The following GLUD1 variants were observed in gnomAD, a reference collection of about 807,000 sequenced individuals.
The protein encoded by GLUD1 is glutamate dehydrogenase 1, also known as glutamate dehydrogenase 1, mitochondrial.
GLUD1 carries 22 observed loss-of-function variants against 56.0 expected under a neutral mutation model. The ratio of observed to expected loss-of-function variants is 0.39; its 90% CI spans 0.28 to 0.56. The LOEUF (loss-of-function observed/expected upper bound fraction) is 0.56, where lower values mean the gene tolerates loss of function less well. Ranked by LOEUF, GLUD1 falls within the 20% of genes least tolerant of loss-of-function variation. GLUD1 has a pLI of 0.58. For synonymous variants in GLUD1, 223 were observed against 269.9 expected, an observed-to-expected ratio of 0.83 and a Z score of 1.70; for missense variants, 451 against 732.0, an observed-to-expected ratio of 0.62 and a Z score of 4.43.
rs1313759450 is a variant in GLUD1 at position 87,081,964 on chromosome 10, G to GA, written c.446-5309dup. On this transcript the variant is annotated intron_variant, in intron 1 of 12. Transcript: ENST00000277865. The stretch of plus-strand genomic sequence containing the variant: ...ATCAATACAAAAAAAAAAAAAAAAA[G>GA]AAAAAAAAAAGAACTAGTATTTCTT... 1.4e-4 allele frequency among the ~76,000 whole-genome samples: 17 copies of GA among 122,708 alleles called. No homozygotes were observed. In the South Asian group the frequency reaches 1.6e-3, roughly 12 times the overall value. 80.5% of individuals were successfully genotyped at this position (122,708 alleles called of 152,430 possible).
intron 6 of GLUD1, among the ~76,000 whole-genome samples, chr10:87,061,719 T>C (rs1845938886): frequency 6.6e-6 from 1 of 151,830 alleles, no homozygotes; most frequent in African/African-American, 2.4e-5. Flanking sequence ...CGGGTTCAAG[T>C]GAGTCTCCTG....
At chr10:87,072,830 T>C (rs1489970790) in intron 4 of GLUD1, among the ~76,000 whole-genome samples, 1 of 152,176 alleles carries the variant, frequency 6.6e-6, no homozygotes, top group Non-Finnish European at 1.5e-5. Flanking sequence ...CTTTTAAAAA[T>C]TATGAAGGCT....
At chr10:87,069,999 T>C (rs148828525) in intron 4 of GLUD1, among the ~76,000 whole-genome samples, 2,914 of 152,358 alleles carry the variant, frequency 0.019, 70 homozygotes, top group Non-Finnish European at 0.023. Context: ...TCACTTTCCA[T>C]TCCTTTAGTG....
chr10:87,086,380 T>A (rs963055710), intron 1 of GLUD1, among the ~76,000 whole-genome samples: 1 of 152,214 alleles, frequency 6.6e-6, no homozygotes, highest in Non-Finnish European at 1.5e-5. Flanking sequence ...TCCTACCTGT[T>A]GGGAATACAT....
chr10:87,084,830 C>T (rs12416344), intron 1 of GLUD1, among the ~76,000 whole-genome samples: 5,144 of 152,208 alleles, frequency 0.034, 227 homozygotes, highest in Admixed American at 0.11. Context: ...ACACTCTTGC[C>T]ACTTACTCAT....
chr10:87,058,881 A>G (rs998681501), intron 10 of GLUD1, among the ~76,000 whole-genome samples: 1 of 151,620 alleles, frequency 6.6e-6, no homozygotes, highest in African/African-American at 2.4e-5. Context: ...ACGGAGCGAG[A>G]CTCCCTCTCA....
In GLUD1 at chr10:87,088,176, G is replaced by GTT. The variant is rs201899869; in HGVS notation, c.445+6147_445+6148dup. ...AACAACACATGATTTACTTTGTTTT[G>GTT]TTTTTTTTTTTGTCATTTATTGACT... On this transcript the variant is annotated intron_variant, in intron 1 of 12. Transcript: ENST00000277865. Among the ~76,000 whole-genome samples the GTT allele has an allele frequency of 8.8e-3, 1,260 of 143,326 alleles. 11 individuals are homozygous for GTT. The highest frequency in any genetic ancestry group is 0.015 in the Non-Finnish European group (960 of 65,362). 94.0% of individuals were successfully genotyped at this position (143,326 alleles called of 152,430 possible).
chr10:87,059,476 GAAA>G (rs35013042), intron 9 of GLUD1, among the ~76,000 whole-genome samples: 1 of 149,922 alleles, frequency 6.7e-6, no homozygotes, highest in African/African-American at 2.4e-5. Flanking sequence ...TTCTATTTAG[GAAA>G]AAAAAAAAAT....
At chr10:87,067,153 T>A (rs1470390235) in intron 5 of GLUD1, among the ~76,000 whole-genome samples, 1 of 152,248 alleles carries the variant, frequency 6.6e-6, no homozygotes, top group Non-Finnish European at 1.5e-5. Flanking sequence ...CCAGGAAGGA[T>A]CAGCAAAATT....
At chr10:87,086,000 C>G (rs1841371777) in intron 1 of GLUD1, among the ~76,000 whole-genome samples, 1 of 152,130 alleles carries the variant, frequency 6.6e-6, no homozygotes, top group African/African-American at 2.4e-5. Flanking sequence ...GTAACAATAA[C>G]TTGTTATTAA....
intron 1 of GLUD1, among the ~76,000 whole-genome samples, chr10:87,087,404 C>T (rs1463054674): frequency 1.3e-5 from 2 of 152,168 alleles, no homozygotes; most frequent in Non-Finnish European, 2.9e-5. Context: ...GCTGATTAAA[C>T]TCAATCTTCA....
At chr10:87,079,585 C>A (rs985676907) in intron 1 of GLUD1, among the ~76,000 whole-genome samples, 1 of 152,150 alleles carries the variant, frequency 6.6e-6, no homozygotes, top group African/African-American at 2.4e-5. Context: ...GCCCAGGCGA[C>A]CCAGCCTGCA....
rs779595767 is a variant in GLUD1, at chr10:87,060,996, T to C, written c.978A>G (p.Lys326=). ...SMRYLHRFGA[K]CIAVGESDGS... ...CATCAGACTCACCAACAGCAATACA[T>C]TTAGCACCAAAACGATGTAAATATC... The change falls in exon 7 of 13, where the codon AAA becomes AAG. Residue 326 remains lysine (K), a synonymous_variant. Transcript: ENST00000277865. 83 of 1,613,848 alleles carry C rather than the reference T, an allele frequency of 5.1e-5. No homozygotes were observed. The highest frequency in any genetic ancestry group is 6.8e-5 in the Non-Finnish European group (80 of 1,179,836).
intron 1 of GLUD1, among the ~76,000 whole-genome samples, chr10:87,078,430 G>A (rs901421996): frequency 1.3e-5 from 2 of 151,926 alleles, no homozygotes; most frequent in Admixed American, 6.6e-5. Flanking sequence ...TCTTCATATC[G>A]TTTATTATTA....
chr10:87,075,336 A>T (rs1324094084), intron 3 of GLUD1, among the ~76,000 whole-genome samples: 31 of 152,242 alleles, frequency 2.0e-4, no homozygotes, highest in Admixed American at 2.0e-3. Context: ...TATGGGTATA[A>T]GTATATAAGT....
intron 1 of GLUD1, chr10:87,092,625 G>A (rs2133864534): frequency 2.0e-6 from 2 of 981,636 alleles, no homozygotes; most frequent in East Asian, 1.1e-4. Flanking sequence ...GCGGAGCTGC[G>A]ACTTATAAAA....
At chr10:87,064,191 G>A (rs1408000892) in intron 5 of GLUD1, among the ~76,000 whole-genome samples, 2 of 152,130 alleles carry the variant, frequency 1.3e-5, no homozygotes, top group Non-Finnish European at 2.9e-5. Context: ...GGGATTACAG[G>A]CGTGAGCCAC....
In GLUD1 at chr10:87,094,724, G is replaced by A. The variant is rs751022558; in HGVS notation, c.46C>T (p.Pro16Ser). 4.0e-6 allele frequency: 6 copies of A among 1,516,584 alleles called. No individual in the cohort carries two copies. The highest frequency in any genetic ancestry group is 1.4e-5 in the African/African-American group (1 of 69,080). 93.9% of individuals were successfully genotyped at this position (1,516,584 alleles called of 1,614,324 possible). ...GEALLLSRAG[P>S]AALGSASADS... ...GCGGACGCCGAGCCCAGGGCAGCGG[G>A]CCCGGCCCGGGACAGCAACAGCGCT... The change falls in exon 1 of 13, where the codon CCC becomes TCC. Residue 16 changes from proline to serine, a missense_variant. This residue lies in a region of GLUD1 where 158 missense variants were observed against 189.7 expected (regional missense o/e 0.83). Transcript: ENST00000277865. The surrounding 1 kb of genome is among the most constrained non-coding windows in gnomAD (Gnocchi z 6.6).
chr10:87,089,341 T>G (rs1841459693), intron 1 of GLUD1, among the ~76,000 whole-genome samples: 1 of 152,226 alleles, frequency 6.6e-6, no homozygotes, highest in Non-Finnish European at 1.5e-5. Context: ...GTACTAGCTG[T>G]GTCACCCTGC....
Sources: allele counts gnomAD v4.1 joint callset (sites outside exome capture counted in the v4.1 genomes callset), GRCh38; gene constraint gnomAD v4.1.1; regional missense constraint gnomAD v4.1.1; non-coding constraint Gnocchi (gnomAD v3.1); transcripts MANE v1.5; gene names NCBI Gene and HGNC (gene_info 2026-07-23, HGNC 2026-07-21).